The following WWOX variants were observed in gnomAD, a reference collection of about 807,000 sequenced individuals.
WWOX encodes the protein WW domain containing oxidoreductase.
Under a neutral mutation model 46.2 loss-of-function variants are expected in WWOX, and 69 were observed. The observed-to-expected ratio is 1.49, with a 90% confidence interval of 1.23 to 1.82. The LOEUF (loss-of-function observed/expected upper bound fraction) is 1.82, where lower values mean the gene tolerates loss of function less well. Ranked by LOEUF, WWOX falls within the 40% of genes most tolerant of loss-of-function variation. WWOX has a pLI of 0.00. For missense variants in WWOX, 919 were observed against 542.6 expected, an observed-to-expected ratio of 1.69 and a Z score of -6.89; for synonymous variants, 359 against 202.6, an observed-to-expected ratio of 1.77 and a Z score of -6.56.
intron 8 of WWOX, among the ~76,000 whole-genome samples, chr16:78,984,322 C>T (rs35259555): frequency 0.11 from 16,109 of 152,210 alleles, 1,122 homozygotes; most frequent in Non-Finnish European, 0.16. Flanking sequence ...CCCCCACCTC[C>T]AAGAAAGCAC....
intron 8 of WWOX, among the ~76,000 whole-genome samples, chr16:79,128,183 C>T (rs1278246431): frequency 2.0e-5 from 3 of 152,052 alleles, no homozygotes; most frequent in African/African-American, 7.2e-5. Flanking sequence ...AGATAAAACG[C>T]CCTGCCAGAA....
At chr16:78,192,579 C>A (rs1407459026) in intron 5 of WWOX, among the ~76,000 whole-genome samples, 1 of 151,766 alleles carries the variant, frequency 6.6e-6, no homozygotes, top group Non-Finnish European at 1.5e-5. Context: ...ACATATGTGG[C>A]ACACATTATA....
At chr16:79,163,816 A>AAAAAAAAAG (rs1294854077) in intron 8 of WWOX, among the ~76,000 whole-genome samples, 3 of 124,508 alleles carry the variant, frequency 2.4e-5, no homozygotes, top group African/African-American at 7.3e-5. Flanking sequence ...AAAAAAAAAA[A>AAAAAAAAAG]AGAGAGAGAG....
intron 8 of WWOX, among the ~76,000 whole-genome samples, chr16:78,444,090 A>G (rs990601464): frequency 2.0e-5 from 3 of 152,290 alleles, no homozygotes; most frequent in East Asian, 1.9e-4. Flanking sequence ...GGTGCTCAGA[A>G]TCGTTTGGAA....
At chr16:78,215,049 G>T (rs962983980) in intron 5 of WWOX, among the ~76,000 whole-genome samples, 1 of 152,154 alleles carries the variant, frequency 6.6e-6, no homozygotes, top group Non-Finnish European at 1.5e-5. Context: ...GAGACATGGC[G>T]GGGTTTGGTA....
At chr16:78,938,783 C>G (rs151028318) in intron 8 of WWOX, among the ~76,000 whole-genome samples, 1 of 151,922 alleles carries the variant, frequency 6.6e-6, no homozygotes, top group Non-Finnish European at 1.5e-5. Flanking sequence ...GCCCATTATA[C>G]CAGATAAAGT....
chr16:79,145,682 C>T (rs1246231427), intron 8 of WWOX, among the ~76,000 whole-genome samples: 2 of 152,082 alleles, frequency 1.3e-5, no homozygotes, highest in Non-Finnish European at 2.9e-5. Context: ...TTTTAAACTT[C>T]TGTAATTATA....
At chr16:78,349,547 A>C (rs1238593798) in intron 5 of WWOX, among the ~76,000 whole-genome samples, 1 of 120,792 alleles carries the variant, frequency 8.3e-6, no homozygotes, top group Non-Finnish European at 2.0e-5. Flanking sequence ...ATGTGAGATT[A>C]CATGGCCCTG....
chr16:78,280,664 G>C (rs1248887004), intron 5 of WWOX, among the ~76,000 whole-genome samples: 1 of 151,942 alleles, frequency 6.6e-6, no homozygotes, highest in Non-Finnish European at 1.5e-5. Context: ...GCGTGGGGTG[G>C]GGGTGGGAGG....
rs1567570484 is a variant in WWOX, at chr16:78,432,676, T to C, written c.980T>C (p.Met327Thr). ...TSNAVHPGNM[M>T]YSNIHRSWWV... ...AACGCAGTGCATCCTGGAAATATGA[T>C]GTACTCCAACATTCATCGCAGCTGG... Residue 327 changes from methionine (M) to threonine (T), a missense_variant, in exon 8 of 9, where the codon ATG (methionine) becomes ACG (threonine). Physicochemically the swap from Met to Thr is moderately conservative, Grantham distance 81. Coordinates refer to ENST00000566780, the MANE Select transcript of WWOX (RefSeq NM_016373.4). 9.9e-6 allele frequency: 16 copies of C among 1,614,210 alleles called. No individual in the cohort carries two copies. Among genetic ancestry groups the C allele is most frequent in the East Asian group, 2.2e-5 (1 of 44,882 alleles).
intron 8 of WWOX, among the ~76,000 whole-genome samples, chr16:78,690,556 T>G (rs1000284028): frequency 6.6e-6 from 1 of 151,668 alleles, no homozygotes; most frequent in African/African-American, 2.4e-5. Flanking sequence ...TGTCTGAAAA[T>G]TAAAAAAAGA....
chr16:78,379,417 C>G (rs1422103287), intron 5 of WWOX, among the ~76,000 whole-genome samples: 2 of 152,208 alleles, frequency 1.3e-5, no homozygotes, highest in Non-Finnish European at 2.9e-5. Flanking sequence ...AGGCCACGTT[C>G]AACACAGCCA....
At chr16:78,965,407 G>A (rs1455183294) in intron 8 of WWOX, among the ~76,000 whole-genome samples, 7 of 151,942 alleles carry the variant, frequency 4.6e-5, no homozygotes, top group African/African-American at 7.3e-5. Flanking sequence ...CATCTGTACT[G>A]TAAATACAAA....
At chr16:78,861,524 A>G (rs2043885475) in intron 8 of WWOX, among the ~76,000 whole-genome samples, 1 of 152,172 alleles carries the variant, frequency 6.6e-6, no homozygotes, top group Non-Finnish European at 1.5e-5. Context: ...ACCAAAGTAA[A>G]TGCAAGACAT....
intron 8 of WWOX, among the ~76,000 whole-genome samples, chr16:78,632,659 A>G (rs979016290): frequency 2.1e-5 from 3 of 144,648 alleles, no homozygotes; most frequent in Admixed American, 7.4e-5. Flanking sequence ...CCCATATTCA[A>G]GGGATTCTCC....
chr16:78,700,818 A>G (rs563823304), intron 8 of WWOX, among the ~76,000 whole-genome samples: 7 of 152,338 alleles, frequency 4.6e-5, no homozygotes, highest in Non-Finnish European at 1.0e-4. Flanking sequence ...TTATTGAATG[A>G]TTTCCAACTA....
chr16:79,210,878 A>G (rs1347338525), intron 8 of WWOX, among the ~76,000 whole-genome samples: 1 of 152,156 alleles, frequency 6.6e-6, no homozygotes, highest in African/African-American at 2.4e-5. Flanking sequence ...ACTCTTTGCA[A>G]CTTACATTTT....
At chr16:78,671,869 C>G (rs1202731416) in intron 8 of WWOX, among the ~76,000 whole-genome samples, 1 of 152,134 alleles carries the variant, frequency 6.6e-6, no homozygotes, top group African/African-American at 2.4e-5. Flanking sequence ...GGATTTACAT[C>G]TTAAAAAGTG....
At chr16:78,932,669 C>A (rs1005561594) in intron 8 of WWOX, among the ~76,000 whole-genome samples, 2 of 152,222 alleles carry the variant, frequency 1.3e-5, no homozygotes, top group African/African-American at 4.8e-5. Context: ...TGAATTCCCC[C>A]CATGGGAGGA....
Sources: gnomAD v4.1 joint callset for allele counts (sites outside exome capture counted in the v4.1 genomes callset) on GRCh38, gnomAD v4.1.1 for gene constraint, MANE v1.5 for transcripts, NCBI Gene and HGNC (gene_info 2026-07-23, HGNC 2026-07-21) for gene names.